The following TMEM132D variants were observed in gnomAD, a reference collection of about 807,000 sequenced individuals.
TMEM132D encodes transmembrane protein 132D.
TMEM132D carries 21 observed loss-of-function variants against 62.3 expected under a neutral mutation model. That is an observed-to-expected ratio of 0.34 (90% CI 0.24 to 0.49). TMEM132D has a LOEUF of 0.49. Ranked by LOEUF, TMEM132D falls within the 20% of genes least tolerant of loss-of-function variation. The probability of loss-of-function intolerance (pLI) is 0.99; values close to 1 mark genes in which losing one functional copy is unlikely to be tolerated. For missense variants in TMEM132D, 1,346 were observed against 1,402.8 expected (o/e 0.96, Z 0.65); for synonymous variants, 621 against 575.6 (o/e 1.08, Z -1.13).
chr12:129,793,821 G>A (rs1593163981), intron 1 of TMEM132D, among the ~76,000 whole-genome samples: 1 of 152,288 alleles, frequency 6.6e-6, no homozygotes, highest in South Asian at 2.1e-4. Context: ...ACGGCACCTA[G>A]TTGGCCCACA....
chr12:129,812,460 C>A (rs949802187), intron 1 of TMEM132D, among the ~76,000 whole-genome samples: 1 of 151,772 alleles, frequency 6.6e-6, no homozygotes, highest in African/African-American at 2.4e-5. Context: ...TAATACTCTG[C>A]CATTGTTCCA....
intron 1 of TMEM132D, among the ~76,000 whole-genome samples, chr12:129,864,899 A>G (rs1387824025): frequency 6.6e-6 from 1 of 152,180 alleles, no homozygotes; most frequent in African/African-American, 2.4e-5. Flanking sequence ...AGTGGCCACA[A>G]CCAATTAGAC....
intron 3 of TMEM132D, among the ~76,000 whole-genome samples, chr12:129,400,622 G>T (rs954701062): frequency 2.6e-5 from 4 of 152,034 alleles, no homozygotes. Flanking sequence ...AAAACTACTG[G>T]TTCTGCCCCT....
At chr12:129,775,371 T>C (rs772204482) in intron 1 of TMEM132D, among the ~76,000 whole-genome samples, 7 of 152,178 alleles carry the variant, frequency 4.6e-5, no homozygotes, top group Non-Finnish European at 1.0e-4. Flanking sequence ...CCCAGTCTCC[T>C]ACCAGAGTGA....
At chr12:129,541,614 A>G (rs1876584782) in intron 2 of TMEM132D, among the ~76,000 whole-genome samples, 1 of 152,176 alleles carries the variant, frequency 6.6e-6, no homozygotes, top group Non-Finnish European at 1.5e-5. Flanking sequence ...ATACCAAACC[A>G]ATAAACGACA....
At chr12:129,751,112 C>T (rs946193255) in intron 1 of TMEM132D, among the ~76,000 whole-genome samples, 12 of 152,110 alleles carry the variant, frequency 7.9e-5, no homozygotes, top group African/African-American at 2.9e-4. Context: ...CTGTATTAAT[C>T]CATTTTCACA....
At chr12:129,766,453 G>A (rs759544575) in intron 1 of TMEM132D, among the ~76,000 whole-genome samples, 2 of 152,108 alleles carry the variant, frequency 1.3e-5, no homozygotes, top group East Asian at 1.9e-4. Context: ...AAGTACTGAA[G>A]GAAATCAGAA....
intron 1 of TMEM132D, among the ~76,000 whole-genome samples, chr12:129,811,623 C>T (rs1872186243): frequency 6.6e-6 from 1 of 151,740 alleles, no homozygotes; most frequent in African/African-American, 2.4e-5. Flanking sequence ...AGATGGACTT[C>T]GCAAATATGA....
chr12:129,160,683 A>G (rs1260904357), intron 5 of TMEM132D, among the ~76,000 whole-genome samples: 1 of 152,214 alleles, frequency 6.6e-6, no homozygotes, highest in Non-Finnish European at 1.5e-5. Context: ...TGACCTTACA[A>G]ATGAAGAGTC....
At chr12:129,453,247 C>T (rs953499062) in intron 3 of TMEM132D, among the ~76,000 whole-genome samples, 2 of 152,136 alleles carry the variant, frequency 1.3e-5, no homozygotes, top group Non-Finnish European at 2.9e-5. Context: ...GATTGGGGAC[C>T]GCTGTTTTAG....
chr12:129,232,829 A>AAGAG (rs138298025), intron 4 of TMEM132D, among the ~76,000 whole-genome samples: 11 of 149,670 alleles, frequency 7.3e-5, no homozygotes, highest in East Asian at 2.0e-4. Flanking sequence ...GAGAGAGATA[A>AAGAG]AGAGAGAGAG....
chr12:129,464,207 G>A (rs1037488217), intron 3 of TMEM132D, among the ~76,000 whole-genome samples: 19 of 151,906 alleles, frequency 1.3e-4, no homozygotes, highest in Non-Finnish European at 2.6e-4. Flanking sequence ...GTTTTGATTT[G>A]CATTTCTCTG....
At chr12:129,664,018 C>T (rs969931385) in intron 2 of TMEM132D, among the ~76,000 whole-genome samples, 7 of 152,108 alleles carry the variant, frequency 4.6e-5, no homozygotes, top group Non-Finnish European at 5.9e-5. Flanking sequence ...AGAACTGTAA[C>T]GTTTACACAT....
chr12:129,237,717 G>C (rs1444699479), intron 4 of TMEM132D, among the ~76,000 whole-genome samples: 1 of 152,146 alleles, frequency 6.6e-6, no homozygotes, highest in Non-Finnish European at 1.5e-5. Context: ...AGTGGCTCAT[G>C]CCTGTAATCC....
At chr12:129,452,136 C>T (rs1437110751) in intron 3 of TMEM132D, among the ~76,000 whole-genome samples, 1 of 152,188 alleles carries the variant, frequency 6.6e-6, no homozygotes, top group South Asian at 2.1e-4. Flanking sequence ...ATAGATGATA[C>T]CTTTACACCG....
intron 3 of TMEM132D, among the ~76,000 whole-genome samples, chr12:129,489,176 T>C (rs1874682494): frequency 6.6e-6 from 1 of 152,252 alleles, no homozygotes; most frequent in South Asian, 2.1e-4. Flanking sequence ...GATTCCTTTT[T>C]CTCCTTAAGT....
chr12:129,678,561 G>A (rs1365061249), intron 2 of TMEM132D, among the ~76,000 whole-genome samples: 1 of 151,992 alleles, frequency 6.6e-6, no homozygotes, highest in East Asian at 1.9e-4. Flanking sequence ...CATTCTAATT[G>A]TTGGTTTATT....
intron 2 of TMEM132D, among the ~76,000 whole-genome samples, chr12:129,653,711 G>T (rs938603628): frequency 6.6e-6 from 1 of 152,034 alleles, no homozygotes; most frequent in African/African-American, 2.4e-5. Flanking sequence ...TTTTATTTTG[G>T]AACCATTTTA....
chr12:129,074,490 G>C lies in TMEM132D; in HGVS notation c.2685C>G (p.Pro895=), dbSNP rs2135603326. ...LTSFPAQVDL[P]RSNGEMDGND... ...TCCCATCCATTTCCCCATTGCTTCT[G>C]GGGAGGTCCACCTGGGCTGGGAAGC... The change falls in exon 9 of 9, where the codon CCC becomes CCG. Residue 895 remains proline (P), a synonymous_variant. Transcript: ENST00000422113. The C allele has an allele frequency of 1.2e-6, 2 of 1,614,096 alleles. No individual in the cohort carries two copies. Among genetic ancestry groups the C allele is most frequent in the Non-Finnish European group, 1.7e-6 (2 of 1,180,036 alleles).
Sources: allele counts gnomAD v4.1 joint callset (sites outside exome capture counted in the v4.1 genomes callset), GRCh38; gene constraint gnomAD v4.1.1; transcripts MANE v1.5; gene names NCBI Gene and HGNC (gene_info 2026-07-23, HGNC 2026-07-21).